Variants in VIRMA observed in about 807,000 individuals in gnomAD.
The protein encoded by VIRMA is protein virilizer homolog.
A neutral mutation model predicts 182.4 loss-of-function variants in VIRMA; 65 were observed. The ratio of observed to expected loss-of-function variants is 0.36; its 90% CI spans 0.29 to 0.44. The LOEUF is 0.44. VIRMA is among the 20% of genes least tolerant of loss of function. The pLI, the probability that VIRMA is intolerant of heterozygous loss-of-function variation, is 1.00. For synonymous variants in VIRMA, 709 were observed against 743.1 expected (o/e 0.95, Z 0.75); for missense variants, 1,752 against 2,158.1 (o/e 0.81, Z 3.73).
intron 16 of VIRMA, among the ~76,000 whole-genome samples, chr8:94,503,277 T>G (rs1563459344): frequency 6.6e-6 from 1 of 152,216 alleles, no homozygotes; most frequent in Non-Finnish European, 1.5e-5. Flanking sequence ...GGGAAATTAA[T>G]AAGTTTTCAG....
rs986376526 is a variant in VIRMA, at chr8:94,488,406, A to C, written c.*300T>G. 1 of 232,348 alleles carries C rather than the reference A, an allele frequency of 4.3e-6. No individual in the cohort carries two copies. Among genetic ancestry groups the C allele is most frequent in the African/African-American group, 2.2e-5 (1 of 44,622 alleles). The allele number at this position is 232,348 out of a possible 1,614,324, so 14.4% of individuals were successfully genotyped here. On this transcript the variant is annotated 3_prime_UTR_variant, in exon 24 of 24. Coordinates refer to ENST00000297591, the MANE Select transcript of VIRMA (RefSeq NM_015496.5). ...CACTAAATAGTGTCATGAGCTGAGA[A>C]AGTTTGAGAATATCTGTGCTATAGG...
At chr8:94,546,116 T>C (rs1201176238) in intron 1 of VIRMA, among the ~76,000 whole-genome samples, 5 of 148,192 alleles carry the variant, frequency 3.4e-5, no homozygotes, top group Non-Finnish European at 3.0e-5. Flanking sequence ...GAGGGCAAAA[T>C]AGCAAAACAG....
chr8:94,533,410 T>C (rs1815234432), intron 5 of VIRMA, among the ~76,000 whole-genome samples: 2 of 152,228 alleles, frequency 1.3e-5, no homozygotes, highest in South Asian at 4.1e-4. Flanking sequence ...TCAAAATGTA[T>C]TCTTGAAACT....
chr8:94,506,792 T>C (rs1434398060), intron 15 of VIRMA, 75 bp from the exon 16 acceptor site: 6 of 806,626 alleles, frequency 7.4e-6, no homozygotes, highest in African/African-American at 1.7e-5. Context: ...GAGAAATACA[T>C]AGCAATTAAT....
At position 94,526,268 on chromosome 8, in the gene VIRMA, A is replaced by C; in HGVS notation, c.1976T>G (p.Ile659Ser). 1 of 1,613,874 alleles carries C rather than the reference A, an allele frequency of 6.2e-7. No homozygotes were observed. The highest frequency in any genetic ancestry group is 8.5e-7 in the Non-Finnish European group (1 of 1,179,854). Residue 659 changes from isoleucine (I) to serine (S), a missense_variant, in exon 8 of 24, where the codon ATT becomes AGT. By Grantham distance (142) the Ile-to-Ser change is moderately radical. Transcript: ENST00000297591. ...PVKSFPTMAR[I>S]TGPPERDDPY... ...ATCATCCCTCTCTGGAGGTCCAGTA[A>C]TTCGTGCCATCGTTGGGAAAGACTT...
chr8:94,496,209 A>G (rs1302869198), intron 18 of VIRMA, 119 bp downstream of exon 18: 4 of 836,918 alleles, frequency 4.8e-6, no homozygotes, highest in Non-Finnish European at 7.1e-6. Context: ...GTTATTTGAA[A>G]TGGTACAAAC....
intron 11 of VIRMA, among the ~76,000 whole-genome samples, chr8:94,512,866 A>G (rs1240021858): frequency 3.9e-5 from 6 of 152,238 alleles, no homozygotes; most frequent in Non-Finnish European, 1.5e-5. Flanking sequence ...TACATGGCAT[A>G]CATTTTTTTA....
At chr8:94,528,549 C>T (rs948787882) in intron 7 of VIRMA, among the ~76,000 whole-genome samples, 11 of 152,134 alleles carry the variant, frequency 7.2e-5, no homozygotes, top group Non-Finnish European at 1.5e-4. Context: ...TCACTTTTTG[C>T]TTTCAAAGGA....
chr8:94,507,945 G>A (rs1320940607), intron 15 of VIRMA, among the ~76,000 whole-genome samples: 1 of 148,158 alleles, frequency 6.7e-6, no homozygotes, highest in Admixed American at 6.8e-5. Context: ...ATGTGTATAT[G>A]TGTATATATG....
intron 10 of VIRMA, among the ~76,000 whole-genome samples, chr8:94,517,493 G>A (rs898047737): frequency 3.3e-5 from 5 of 152,288 alleles, no homozygotes; most frequent in South Asian, 2.1e-4. Context: ...ATGAGCCACC[G>A]CACCCGGCCT....
chr8:94,532,504 C>A (rs1815204829), intron 5 of VIRMA, among the ~76,000 whole-genome samples: 1 of 152,164 alleles, frequency 6.6e-6, no homozygotes, highest in Admixed American at 6.5e-5. Flanking sequence ...GCGTGTCTAT[C>A]TAGTGAAATC....
At chr8:94,547,245 G>T (rs1318990001) in intron 1 of VIRMA, among the ~76,000 whole-genome samples, 1 of 151,012 alleles carries the variant, frequency 6.6e-6, no homozygotes, top group Non-Finnish European at 1.5e-5. Flanking sequence ...TTGATTAATG[G>T]TTATTGAATT....
At position 94,488,670 on chromosome 8, in the gene VIRMA, T is replaced by C; in HGVS notation, c.*36A>G. On this transcript the variant is annotated 3_prime_UTR_variant, in exon 24 of 24. Transcript: ENST00000297591. Reference sequence around the variant, plus strand: ...TCTTATTTTTATTGTCCTCGTGAAATGTTCATATACAGTTAAGATGTTCCC... The same window carrying C: ...TCTTATTTTTATTGTCCTCGTGAAACGTTCATATACAGTTAAGATGTTCCC... The C allele has an allele frequency of 1.3e-6, 2 of 1,585,824 alleles. No homozygotes were observed. The highest frequency in any genetic ancestry group is 2.3e-5 in the South Asian group (2 of 86,724).
chr8:94,511,654 C>T lies in VIRMA; in HGVS notation c.2921G>A (p.Arg974Gln), dbSNP rs760476641. 6 of 1,613,756 alleles carry T rather than the reference C, an allele frequency of 3.7e-6. No individual in the cohort carries two copies. Among genetic ancestry groups the T allele is most frequent in the Admixed American group, 1.7e-5 (1 of 59,982 alleles). ...FSAEGMDTFI[R>Q]VLQKLNSILT... The stretch of plus-strand genomic sequence containing the variant: ...AATACTGTTCAATTTTTGCAGAACT[C>T]GAATAAACGTGTCCATTCCTTCAGC... Residue 974 changes from arginine (R) to glutamine (Q), a missense_variant, in exon 13 of 24, where the codon CGA becomes CAA. Arg to Gln is a conservative substitution (Grantham distance 43). Around this residue, in one of 11 missense-constraint regions of VIRMA, gnomAD observed 777 missense variants for 920.6 expected, o/e 0.84. Coordinates refer to ENST00000297591, the MANE Select transcript of VIRMA (RefSeq NM_015496.5).
At chr8:94,498,371 C>A (rs1174299417) in intron 17 of VIRMA, 1 of 152,182 alleles carries the variant, frequency 6.6e-6, no homozygotes, top group African/African-American at 2.4e-5. Flanking sequence ...AAAATCACAA[C>A]ATCCAAAACA....
At chr8:94,532,919 C>G (rs1815220994) in intron 5 of VIRMA, among the ~76,000 whole-genome samples, 1 of 151,974 alleles carries the variant, frequency 6.6e-6, no homozygotes, top group Non-Finnish European at 1.5e-5. Flanking sequence ...TATGATCAGG[C>G]CACTGCACTC....
At position 94,519,413 on chromosome 8, in the gene VIRMA, A is replaced by G. The variant is rs780380987; in HGVS notation, c.2085T>C (p.Ser695=). 1.3e-6 allele frequency: 2 copies of G among 1,535,260 alleles called. No homozygotes were observed. The highest frequency in any genetic ancestry group is 1.7e-6 in the Non-Finnish European group (2 of 1,147,046). The part of the protein sequence containing the change: ...VTLLLSIPVT[S]AHPGVLQATK... Reference sequence around the variant, plus strand: ...TGGCTTGCAGCACACCAGGGTGAGCACTTGTTACTGGAATTGACAGAAGCA... The same window carrying G: ...TGGCTTGCAGCACACCAGGGTGAGCGCTTGTTACTGGAATTGACAGAAGCA... Residue 695 remains serine (S), a synonymous_variant, in exon 9 of 24, where the codon AGT becomes AGC. Coordinates refer to ENST00000297591, the MANE Select transcript of VIRMA (RefSeq NM_015496.5).
intron 6 of VIRMA, among the ~76,000 whole-genome samples, chr8:94,530,701 T>C (rs1194260443): frequency 1.3e-5 from 2 of 152,128 alleles, no homozygotes; most frequent in South Asian, 2.1e-4. Flanking sequence ...TGGATCACTT[T>C]AGCTCAGGAG....
chr8:94,547,648 A>G (rs1266728735), intron 1 of VIRMA, among the ~76,000 whole-genome samples: 6 of 150,942 alleles, frequency 4.0e-5, no homozygotes, highest in African/African-American at 1.5e-4. Flanking sequence ...CAGCACTTCC[A>G]CACTGGAAAG....
Sources: gnomAD v4.1 joint callset for allele counts (sites outside exome capture counted in the v4.1 genomes callset) on GRCh38, gnomAD v4.1.1 for gene constraint, gnomAD v4.1.1 regional missense constraint, MANE v1.5 for transcripts, NCBI Gene and HGNC (gene_info 2026-07-23, HGNC 2026-07-21) for gene names.